Variants in NRXN1 observed in about 807,000 individuals in gnomAD.
NRXN1 encodes neurexin 1.
Under a neutral mutation model 150.9 loss-of-function variants are expected in NRXN1, and 39 were observed. That is an observed-to-expected ratio of 0.26 (90% CI 0.20 to 0.34). The LOEUF (loss-of-function observed/expected upper bound fraction) is 0.34. Ranked by LOEUF, NRXN1 falls within the 10% of genes least tolerant of loss-of-function variation. NRXN1 has a pLI of 1.00. For synonymous variants in NRXN1, 924 were observed against 757.0 expected (o/e 1.22, Z -3.62); for missense variants, 1,815 against 1,949.9 (o/e 0.93, Z 1.30).
At chr2:50,675,629 T>G (rs1176740042) in intron 5 of NRXN1, among the ~76,000 whole-genome samples, 1 of 152,154 alleles carries the variant, frequency 6.6e-6, no homozygotes, top group Non-Finnish European at 1.5e-5. Flanking sequence ...AAACAATATA[T>G]ATCATCTCAG....
intron 8 of NRXN1, among the ~76,000 whole-genome samples, chr2:50,604,968 G>C (rs920773428): frequency 6.6e-6 from 1 of 152,108 alleles, no homozygotes; most frequent in African/African-American, 2.4e-5. Flanking sequence ...TCCCAAGGAG[G>C]ATACATAACT....
intron 19 of NRXN1, among the ~76,000 whole-genome samples, chr2:50,058,546 A>G (rs1026494384): frequency 8.7e-6 from 1 of 115,602 alleles, no homozygotes; most frequent in African/African-American, 2.7e-5. Context: ...AGAATAAAAA[A>G]CTAATGACTT....
chr2:50,672,542 G>A (rs1299247476), intron 5 of NRXN1, among the ~76,000 whole-genome samples: 1 of 151,876 alleles, frequency 6.6e-6, no homozygotes, highest in African/African-American at 2.4e-5. Context: ...AGAACAACAA[G>A]GCTGGAAATA....
chr2:50,745,770 A>C (rs1699949859), intron 5 of NRXN1, among the ~76,000 whole-genome samples: 1 of 152,006 alleles, frequency 6.6e-6, no homozygotes, highest in African/African-American at 2.4e-5. Flanking sequence ...AAATCATCAG[A>C]TCTCATGAGA....
chr2:50,449,010 G>A (rs930888778), intron 17 of NRXN1, among the ~76,000 whole-genome samples: 18 of 152,254 alleles, frequency 1.2e-4, no homozygotes, highest in African/African-American at 3.4e-4. Flanking sequence ...GGCCCAGAAC[G>A]AAGCAGAGTT....
chr2:50,826,007 C>T (rs961329364), intron 5 of NRXN1, among the ~76,000 whole-genome samples: 5 of 152,324 alleles, frequency 3.3e-5, no homozygotes, highest in East Asian at 1.9e-4. Context: ...ACATATCTTA[C>T]ATCTGCTCTC....
chr2:50,643,881 C>T (rs576801152), intron 5 of NRXN1, among the ~76,000 whole-genome samples: 6 of 151,832 alleles, frequency 4.0e-5, no homozygotes, highest in African/African-American at 1.4e-4. Context: ...AAACATTTAG[C>T]TTGCATATCA....
At chr2:50,465,325 T>C in intron 17 of NRXN1, 117 bp downstream of exon 17, 1 of 1,017,226 alleles carries the variant, frequency 9.8e-7, no homozygotes, top group Non-Finnish European at 1.4e-6. Flanking sequence ...CTTCTATGGG[T>C]TATGACAGTT....
At chr2:50,934,788 C>G (rs942316580) in intron 2 of NRXN1, among the ~76,000 whole-genome samples, 1 of 152,152 alleles carries the variant, frequency 6.6e-6, no homozygotes, top group African/African-American at 2.4e-5. Flanking sequence ...ATATGGAGAA[C>G]TTTGTAATAT....
At chr2:50,798,733 T>C (rs1248810196) in intron 5 of NRXN1, among the ~76,000 whole-genome samples, 1 of 152,230 alleles carries the variant, frequency 6.6e-6, no homozygotes, top group Non-Finnish European at 1.5e-5. Flanking sequence ...GTGTCTCAAA[T>C]GCTGCAAAAT....
intron 5 of NRXN1, among the ~76,000 whole-genome samples, chr2:50,634,177 A>C (rs1682858986): frequency 6.6e-6 from 1 of 152,188 alleles, no homozygotes; most frequent in Admixed American, 6.5e-5. Context: ...AGAGTTTTAT[A>C]GTTAGGGGAA....
chr2:50,860,138 C>A (rs1167300683), intron 5 of NRXN1, among the ~76,000 whole-genome samples: 1 of 150,168 alleles, frequency 6.7e-6, no homozygotes, highest in African/African-American at 2.4e-5. Flanking sequence ...AAGATCATAA[C>A]TCTCAATCAA....
At chr2:50,739,776 T>C (rs1485284616) in intron 5 of NRXN1, among the ~76,000 whole-genome samples, 1 of 152,196 alleles carries the variant, frequency 6.6e-6, no homozygotes, top group East Asian at 1.9e-4. Flanking sequence ...CCAATGGGGA[T>C]AATATGAAGA....
At chr2:50,168,318 T>A (rs183812250) in intron 18 of NRXN1, among the ~76,000 whole-genome samples, 1 of 152,338 alleles carries the variant, frequency 6.6e-6, no homozygotes, top group East Asian at 1.9e-4. Flanking sequence ...ACCTACATTT[T>A]ACACTAACTT....
intron 2 of NRXN1, among the ~76,000 whole-genome samples, chr2:50,966,965 C>A (rs1183018008): frequency 3.3e-5 from 5 of 151,888 alleles, no homozygotes; most frequent in African/African-American, 1.2e-4. Flanking sequence ...TTTGCTTTGG[C>A]AAATAATCTT....
intron 21 of NRXN1, among the ~76,000 whole-genome samples, chr2:49,990,672 G>T (rs888021916): frequency 3.3e-5 from 5 of 152,028 alleles, no homozygotes; most frequent in Admixed American, 3.3e-4. Context: ...GAAGTGAAAA[G>T]CAGGAAGAAA....
chr2:50,987,585 G>C (rs1490251734), intron 2 of NRXN1, among the ~76,000 whole-genome samples: 3 of 151,892 alleles, frequency 2.0e-5, no homozygotes, highest in Non-Finnish European at 2.9e-5. Context: ...CAAGAAAAAG[G>C]CCTCAAATCA....
chr2:50,926,414 A>G (rs1035426818), intron 2 of NRXN1, among the ~76,000 whole-genome samples: 1 of 151,962 alleles, frequency 6.6e-6, no homozygotes, highest in African/African-American at 2.4e-5. Flanking sequence ...AGTTCTACCA[A>G]ATATATTATC....
intron 8 of NRXN1, among the ~76,000 whole-genome samples, chr2:50,598,707 CATATAT>C (rs1179374561): frequency 2.9e-5 from 4 of 139,310 alleles, no homozygotes; most frequent in African/African-American, 1.1e-4. Flanking sequence ...TATATATATA[CATATAT>C]ATGTATATAT....
Sources: allele counts gnomAD v4.1 joint callset (sites outside exome capture counted in the v4.1 genomes callset), GRCh38; gene constraint gnomAD v4.1.1; transcripts MANE v1.5; gene names NCBI Gene and HGNC (gene_info 2026-07-23, HGNC 2026-07-21).